Variants in SV2C observed in about 807,000 individuals in gnomAD.
SV2C encodes synaptic vesicle glycoprotein 2C, also known as solute carrier family 22 member B3.
A neutral mutation model predicts 79.7 loss-of-function variants in SV2C; 49 were observed. That is an observed-to-expected ratio of 0.61 (90% CI 0.49 to 0.78). SV2C has a LOEUF of 0.78. Ranked by LOEUF, SV2C falls within the 30% of genes least tolerant of loss-of-function variation. The pLI is 0.00. For synonymous variants in SV2C, 334 were observed against 333.2 expected, an observed-to-expected ratio of 1.00 and a Z score of -0.03; for missense variants, 833 against 912.9, an observed-to-expected ratio of 0.91 and a Z score of 1.13.
At chr5:76,153,944 T>G (rs1315997879) in intron 2 of SV2C, among the ~76,000 whole-genome samples, 1 of 152,216 alleles carries the variant, frequency 6.6e-6, no homozygotes, top group Admixed American at 6.5e-5. Context: ...CCAGAGCTTC[T>G]CATCCTCAGT....
chr5:76,110,930 G>A (rs1269673511), intron 1 of SV2C, among the ~76,000 whole-genome samples: 4 of 152,160 alleles, frequency 2.6e-5, no homozygotes, highest in South Asian at 2.1e-4. Context: ...TGCTAGAACC[G>A]GCTCTGTGTG....
intron 1 of SV2C, among the ~76,000 whole-genome samples, chr5:76,124,337 T>G (rs73130270): frequency 0.039 from 5,889 of 152,278 alleles, 377 homozygotes; most frequent in African/African-American, 0.13. Context: ...CTGGTCTAAG[T>G]ATCTCATATA....
the SV2C span, among the ~76,000 whole-genome samples, chr5:75,992,807 T>C: frequency 6.6e-6 from 1 of 152,068 alleles, no homozygotes; most frequent in African/African-American, 2.4e-5. Flanking sequence ...AATGAAATTA[T>C]AGAATAGGGG....
chr5:75,987,097 G>A, the SV2C span, among the ~76,000 whole-genome samples: 2 of 151,924 alleles, frequency 1.3e-5, no homozygotes, highest in Non-Finnish European at 1.5e-5. Context: ...AAGAAGGACA[G>A]GGAAAATCAA....
At chr5:75,914,249 C>T in the SV2C span, among the ~76,000 whole-genome samples, 135 of 152,304 alleles carry the variant, frequency 8.9e-4, 1 homozygote, top group East Asian at 0.019. Flanking sequence ...CCCCACACCT[C>T]ATTCATTTAA....
intron 2 of SV2C, among the ~76,000 whole-genome samples, chr5:76,139,958 A>G: frequency 6.7e-6 from 1 of 149,074 alleles, no homozygotes; most frequent in East Asian, 2.0e-4. Flanking sequence ...CAAGCTCCGT[A>G]GAAGCTCTTG....
chr5:76,119,412 T>C (rs1174736045), intron 1 of SV2C, among the ~76,000 whole-genome samples: 3 of 152,090 alleles, frequency 2.0e-5, no homozygotes, highest in Admixed American at 6.6e-5. Flanking sequence ...AAGGAAGATA[T>C]AGCAGTGTGT....
intron 4 of SV2C, among the ~76,000 whole-genome samples, chr5:76,245,289 G>T (rs1476910056): frequency 6.6e-6 from 1 of 152,206 alleles, no homozygotes; most frequent in Non-Finnish European, 1.5e-5. Context: ...AAGACTTGGA[G>T]GAAGAGGAAG....
chr5:75,917,171 G>A, the SV2C span, among the ~76,000 whole-genome samples: 4 of 152,286 alleles, frequency 2.6e-5, no homozygotes, highest in South Asian at 6.2e-4. Flanking sequence ...CTCAGGTTCT[G>A]CTTCTAGGAG....
chr5:76,063,472 T>A, the SV2C span, among the ~76,000 whole-genome samples: 1 of 152,166 alleles, frequency 6.6e-6, no homozygotes, highest in Non-Finnish European at 1.5e-5. Context: ...AAGGCAGCAA[T>A]GCTGAAGGGT....
At chr5:76,000,778 C>T in the SV2C span, among the ~76,000 whole-genome samples, 2 of 152,032 alleles carry the variant, frequency 1.3e-5, no homozygotes, top group Non-Finnish European at 2.9e-5. Flanking sequence ...ATTTATAGTT[C>T]GGCTTCTGGC....
At chr5:76,071,123 A>G in the SV2C span, among the ~76,000 whole-genome samples, 1 of 152,244 alleles carries the variant, frequency 6.6e-6, no homozygotes, top group African/African-American at 2.4e-5. Flanking sequence ...AGAGCAGGCA[A>G]GTGCTCCACA....
chr5:75,949,100 C>T, the SV2C span, among the ~76,000 whole-genome samples: 2 of 151,734 alleles, frequency 1.3e-5, no homozygotes, highest in Admixed American at 6.6e-5. Flanking sequence ...GTGTGTGGCA[C>T]CTCCTCTCCC....
At chr5:76,155,464 C>A (rs917371462) in intron 2 of SV2C, among the ~76,000 whole-genome samples, 13 of 152,170 alleles carry the variant, frequency 8.5e-5, no homozygotes, top group African/African-American at 3.1e-4. Context: ...TACCCCAGCT[C>A]CTAATTGGAG....
chr5:76,250,102 C>T (rs1175648180), intron 4 of SV2C, among the ~76,000 whole-genome samples: 3 of 152,062 alleles, frequency 2.0e-5, no homozygotes, highest in Admixed American at 6.5e-5. Flanking sequence ...ACCCAAGTTT[C>T]GAGGGTTACT....
intron 2 of SV2C, among the ~76,000 whole-genome samples, chr5:76,179,116 A>T (rs1315030895): frequency 6.6e-6 from 1 of 152,222 alleles, no homozygotes; most frequent in African/African-American, 2.4e-5. Flanking sequence ...AATGTGGGTG[A>T]GAATGTATAG....
At chr5:76,335,414 C>CTTTTTTTTTTTTTTT (rs869230352), downstream of SV2C, among the ~76,000 whole-genome samples, 17 of 98,114 alleles carry the variant, frequency 1.7e-4, 1 homozygote, top group African/African-American at 8.1e-4. Context: ...ACACATTTTC[C>CTTTTTTTTTTTTTTT]TTTTTTTTTT....
chr5:76,274,924 G>A (rs1746977677), intron 4 of SV2C, among the ~76,000 whole-genome samples: 1 of 152,002 alleles, frequency 6.6e-6, no homozygotes, highest in Non-Finnish European at 1.5e-5. Context: ...AAATTTATCT[G>A]ATCATTGTCC....
chr5:76,133,682 A>G (rs1341552344), intron 2 of SV2C, among the ~76,000 whole-genome samples: 1 of 152,204 alleles, frequency 6.6e-6, no homozygotes, highest in Non-Finnish European at 1.5e-5. Context: ...TGTGTGTTCC[A>G]CTATCAAATG....
Sources: allele counts gnomAD v4.1 joint callset (sites outside exome capture counted in the v4.1 genomes callset), GRCh38; gene constraint gnomAD v4.1.1; transcripts MANE v1.5; gene names NCBI Gene and HGNC (gene_info 2026-07-23, HGNC 2026-07-21).